The following LUC7L2 variants were observed in gnomAD, a reference collection of about 807,000 sequenced individuals.
LUC7L2 encodes the protein LUC7 like 2, pre-mRNA splicing factor.
LUC7L2 carries 25 observed loss-of-function variants against 52.8 expected under a neutral mutation model. The ratio of observed to expected loss-of-function variants is 0.47; its 90% confidence interval spans 0.34 to 0.66. LUC7L2 has a LOEUF of 0.66. LUC7L2 is among the 30% of genes least tolerant of loss of function. The probability of loss-of-function intolerance (pLI) is 0.01; values close to 1 mark genes in which losing one functional copy is unlikely to be tolerated. For missense variants in LUC7L2, 328 were observed against 497.8 expected (o/e 0.66, Z 3.25); for synonymous variants, 144 against 160.9 (o/e 0.89, Z 0.80).
At chr7:139,421,357 A>C (rs1795895558) in intron 9 of LUC7L2, among the ~76,000 whole-genome samples, 1 of 152,182 alleles carries the variant, frequency 6.6e-6, no homozygotes, top group Non-Finnish European at 1.5e-5. Flanking sequence ...TAATTTGTTG[A>C]ATTTTAGATG....
intron 5 of LUC7L2, among the ~76,000 whole-genome samples, 171 bp from the exon 6 acceptor site, chr7:139,407,003 T>G (rs971333863): frequency 6.2e-5 from 3 of 48,076 alleles, no homozygotes; most frequent in Non-Finnish European, 2.2e-4. Flanking sequence ...CTTTTGTGGT[T>G]TTTTTTTTTT....
At chr7:139,362,045 TCAG>T (rs1799911621) in intron 1 of LUC7L2, among the ~76,000 whole-genome samples, 1 of 152,094 alleles carries the variant, frequency 6.6e-6, no homozygotes, top group Non-Finnish European at 1.5e-5. Flanking sequence ...GTGTGTGTAG[TCAG>T]CAGAAACATG....
upstream of LUC7L2, among the ~76,000 whole-genome samples, chr7:139,356,292 G>A (rs984326458): frequency 1.4e-4 from 20 of 138,616 alleles, no homozygotes; most frequent in Admixed American, 7.3e-4. Flanking sequence ...TCCAGCCTGG[G>A]TGACAGAGCA....
At chr7:139,390,136 A>G (rs1200822901) in intron 2 of LUC7L2, among the ~76,000 whole-genome samples, 1 of 152,218 alleles carries the variant, frequency 6.6e-6, no homozygotes, top group African/African-American at 2.4e-5. Flanking sequence ...TTGGAAGGTC[A>G]GAGAGTTTAA....
intron 8 of LUC7L2, 136 bp downstream of exon 8, chr7:139,412,716 T>C: frequency 9.7e-7 from 1 of 1,027,228 alleles, no homozygotes; most frequent in South Asian, 1.8e-5. Context: ...TAATCCCAGC[T>C]ACTCAAGAGG....
In LUC7L2 at chr7:139,360,072, T is replaced by G; in HGVS notation, c.-190T>G. Reference sequence around the variant, plus strand: ...CTGTCGGGGGCTGTCGTCTTCCACGTACACGTCGTCGTGAGGAGCGCAGTC... The same window carrying G: ...CTGTCGGGGGCTGTCGTCTTCCACGGACACGTCGTCGTGAGGAGCGCAGTC... On this transcript the variant is annotated 5_prime_UTR_variant, in exon 1 of 10. Coordinates refer to ENST00000354926, the MANE Select transcript of LUC7L2 (RefSeq NM_016019.5). The G allele has an allele frequency of 1.8e-6, 1 of 552,838 alleles. No homozygotes were observed. The highest frequency in any genetic ancestry group is 3.2e-6 in the Non-Finnish European group (1 of 313,240). 34.2% of individuals were successfully genotyped at this position (552,838 alleles called of 1,614,324 possible). A position where few individuals can be genotyped will look rare whatever the true frequency, so the allele number is the denominator to read the frequency against.
Position 139,363,129 on chromosome 7 carries a change from G to A in LUC7L2, c.61+2807G>A, listed in dbSNP as rs561283482. ...GGTGGGAGAGAAATGCATAAGGGAG[G>A]TGGGAGGGCCAAAGACAAACTCTGC... On this transcript the variant is annotated intron_variant, in intron 1 of 9. Coordinates refer to ENST00000354926, the MANE Select transcript of LUC7L2 (RefSeq NM_016019.5). The A allele has an allele frequency of 5.4e-5, 39 of 719,442 alleles. 1 individual carries two copies. In the South Asian group the frequency reaches 2.2e-3, roughly 41 times the overall value. 44.6% of individuals were successfully genotyped at this position (719,442 alleles called of 1,614,324 possible). A position where few individuals can be genotyped will look rare whatever the true frequency, so the allele number is the denominator to read the frequency against.
chr7:139,422,823 G>C lies in LUC7L2; in HGVS notation c.*483G>C, dbSNP rs1048525022. 7.5e-6 allele frequency: 3 copies of C among 399,200 alleles called. No homozygotes were observed. Among genetic ancestry groups the C allele is most frequent in the African/African-American group, 6.2e-5 (3 of 48,636 alleles). 24.7% of individuals were successfully genotyped at this position (399,200 alleles called of 1,614,324 possible). A position where few individuals can be genotyped will look rare whatever the true frequency, so the allele number is the denominator to read the frequency against. On this transcript the variant is annotated 3_prime_UTR_variant, in exon 10 of 10. Coordinates refer to ENST00000354926, the MANE Select transcript of LUC7L2 (RefSeq NM_016019.5). ...CATTCTAAGGCTGTATTCCCGTTAT[G>C]AATTACTAGCTGATTACAGTTCAGA...
At chr7:139,406,629 C>T (rs1281664252) in intron 5 of LUC7L2, among the ~76,000 whole-genome samples, 1 of 152,174 alleles carries the variant, frequency 6.6e-6, no homozygotes, top group Non-Finnish European at 1.5e-5. Flanking sequence ...GCTGGGATTA[C>T]AGGCGTGAGC....
intron 1 of LUC7L2, chr7:139,375,129 T>C: frequency 1.0e-6 from 1 of 984,162 alleles, no homozygotes; most frequent in Non-Finnish European, 1.2e-6. Flanking sequence ...GTTTTTTCTT[T>C]TGTTTTTCCA....
intron 2 of LUC7L2, among the ~76,000 whole-genome samples, chr7:139,388,266 G>A (rs888075455): frequency 2.6e-5 from 4 of 151,592 alleles, no homozygotes; most frequent in African/African-American, 4.9e-5. Context: ...GCATATCTAG[G>A]GTCAGAAATG....
intron 9 of LUC7L2, among the ~76,000 whole-genome samples, chr7:139,420,541 C>CCAT (rs1041177979): frequency 6.6e-6 from 1 of 152,220 alleles, no homozygotes; most frequent in East Asian, 1.9e-4. Flanking sequence ...CTGTCTTTCC[C>CCAT]CATCTACTAA....
At chr7:139,415,337 C>T (rs958032919) in intron 8 of LUC7L2, among the ~76,000 whole-genome samples, 26 of 151,794 alleles carry the variant, frequency 1.7e-4, no homozygotes, top group African/African-American at 5.8e-4. Context: ...ACTTGCTACT[C>T]AACCTCCCCT....
At chr7:139,397,397 ATTC>A (rs1164175204) in intron 2 of LUC7L2, among the ~76,000 whole-genome samples, 1 of 152,172 alleles carries the variant, frequency 6.6e-6, no homozygotes, top group Non-Finnish European at 1.5e-5. Context: ...CATAGACATG[ATTC>A]TTGTTATTTG....
chr7:139,414,803 G>A (rs1325771416), intron 8 of LUC7L2, among the ~76,000 whole-genome samples: 1 of 152,098 alleles, frequency 6.6e-6, no homozygotes, highest in Non-Finnish European at 1.5e-5. Context: ...CTTTGCTTCA[G>A]TGCCAACCTA....
chr7:139,410,930 A>C (rs1252129506), intron 7 of LUC7L2, among the ~76,000 whole-genome samples: 2 of 138,772 alleles, frequency 1.4e-5, no homozygotes, highest in Admixed American at 1.4e-4. Context: ...AGGAGAAGTG[A>C]TGTCAGTCCT....
At chr7:139,349,707 T>C (rs1334277612) in intron 1 of LUC7L2, among the ~76,000 whole-genome samples, 1 of 152,050 alleles carries the variant, frequency 6.6e-6, no homozygotes, top group African/African-American at 2.4e-5. Flanking sequence ...CTCAAATGCT[T>C]TTACAGCTAC....
chr7:139,405,216 G>GGC (rs959499045), intron 4 of LUC7L2, among the ~76,000 whole-genome samples: 2 of 152,162 alleles, frequency 1.3e-5, no homozygotes, highest in African/African-American at 4.8e-5. Context: ...TCAGTAGGCA[G>GGC]GCGAGAGGTA....
rs147275859 is a variant in LUC7L2 at position 139,368,181 on chromosome 7, T to A, written c.61+7859T>A. ...GTAATTATTTATAGCAATAGATTGA[T>A]ACCCAGGTTGCAGAGTTGCTTTAGT... On this transcript the variant is annotated intron_variant, in intron 1 of 9. Coordinates refer to ENST00000354926, the MANE Select transcript of LUC7L2 (RefSeq NM_016019.5). 2.4e-4 allele frequency among the ~76,000 whole-genome samples: 37 copies of A among 152,332 alleles called. No homozygotes were observed. In the East Asian group the frequency reaches 6.9e-3, roughly 29 times the overall value.
Sources: allele counts gnomAD v4.1 joint callset (sites outside exome capture counted in the v4.1 genomes callset), GRCh38; gene constraint gnomAD v4.1.1; transcripts MANE v1.5; gene names NCBI Gene and HGNC (gene_info 2026-07-23, HGNC 2026-07-21).